TSPAN5: variants seen among roughly 807,000 people sequenced by gnomAD.
TSPAN5 encodes the protein tetraspanin 5, also known as tetraspanin-5.
Under a neutral mutation model 37.1 loss-of-function variants are expected in TSPAN5, and 10 were observed. The ratio of observed to expected loss-of-function variants is 0.27; its 90% confidence interval spans 0.17 to 0.46. The LOEUF (loss-of-function observed/expected upper bound fraction) is 0.46. TSPAN5 is among the 20% of genes least tolerant of loss of function. The probability of loss-of-function intolerance (pLI) is 1.00; values close to 1 mark genes in which losing one functional copy is unlikely to be tolerated. For missense variants in TSPAN5, 195 were observed against 326.6 expected (o/e 0.60, Z 3.11); for synonymous variants, 110 against 118.9 (o/e 0.93, Z 0.48).
intron 1 of TSPAN5, among the ~76,000 whole-genome samples, chr4:98,531,328 T>A (rs1169122160): frequency 6.6e-6 from 1 of 152,216 alleles, no homozygotes; most frequent in Non-Finnish European, 1.5e-5. Flanking sequence ...TGTTTGGTTT[T>A]CTGTTCTTGT....
intron 1 of TSPAN5, among the ~76,000 whole-genome samples, chr4:98,631,338 C>T (rs997701450): frequency 2.0e-5 from 3 of 152,168 alleles, no homozygotes; most frequent in Non-Finnish European, 4.4e-5. Context: ...GAGTCCACCA[C>T]CAGACTCTCA....
intron 1 of TSPAN5, among the ~76,000 whole-genome samples, chr4:98,598,303 G>A (rs1169236452): frequency 7.1e-6 from 1 of 141,000 alleles, no homozygotes; most frequent in African/African-American, 2.7e-5. Context: ...GCTCGCGCAC[G>A]GTGCGCACAC....
intron 1 of TSPAN5, among the ~76,000 whole-genome samples, chr4:98,575,223 G>A (rs1755206825): frequency 6.6e-6 from 1 of 152,036 alleles, no homozygotes; most frequent in Admixed American, 6.6e-5. Context: ...AAAAAATATA[G>A]AAAATTATTT....
intron 1 of TSPAN5, among the ~76,000 whole-genome samples, chr4:98,613,583 A>C (rs942132700): frequency 1.3e-5 from 2 of 152,108 alleles, no homozygotes; most frequent in Non-Finnish European, 2.9e-5. Flanking sequence ...CCCTTATAAC[A>C]CAACAGGGTC....
intron 1 of TSPAN5, among the ~76,000 whole-genome samples, chr4:98,520,414 T>A (rs1227647415): frequency 6.6e-6 from 1 of 151,510 alleles, no homozygotes; most frequent in South Asian, 2.1e-4. Flanking sequence ...GTAAGATGAG[T>A]TGGGAGGCAC....
chr4:98,556,614 T>C (rs770401538), intron 1 of TSPAN5, among the ~76,000 whole-genome samples: 1 of 152,230 alleles, frequency 6.6e-6, no homozygotes, highest in Non-Finnish European at 1.5e-5. Flanking sequence ...TCTGTTAACA[T>C]TCTTTTACTA....
chr4:98,627,649 T>A (rs748174119), intron 1 of TSPAN5, among the ~76,000 whole-genome samples: 17 of 152,202 alleles, frequency 1.1e-4, no homozygotes, highest in Non-Finnish European at 2.4e-4. Context: ...ATAAACCCCC[T>A]GGATTTCAGT....
chr4:98,532,027 T>TA (rs1391924629), intron 1 of TSPAN5, among the ~76,000 whole-genome samples: 1 of 152,244 alleles, frequency 6.6e-6, no homozygotes, highest in Non-Finnish European at 1.5e-5. Flanking sequence ...ACTCTGATGA[T>TA]AGTTTCTTTC....
chr4:98,533,406 T>G (rs1328216376), intron 1 of TSPAN5, among the ~76,000 whole-genome samples: 3 of 152,188 alleles, frequency 2.0e-5, no homozygotes, highest in Non-Finnish European at 4.4e-5. Context: ...CTTCCTGGTT[T>G]AGACTTGTGG....
chr4:98,565,646 G>A (rs1251295730), intron 1 of TSPAN5, among the ~76,000 whole-genome samples: 2 of 152,178 alleles, frequency 1.3e-5, no homozygotes, highest in African/African-American at 4.8e-5. Flanking sequence ...GCTTAAAGTA[G>A]GAGTTATATA....
intron 1 of TSPAN5, among the ~76,000 whole-genome samples, chr4:98,522,827 A>C (rs886543363): frequency 3.3e-5 from 5 of 152,212 alleles, no homozygotes; most frequent in Admixed American, 2.6e-4. Flanking sequence ...GACACCATTT[A>C]GTTATTTATT....
intron 1 of TSPAN5, among the ~76,000 whole-genome samples, chr4:98,515,763 G>GA (rs10714942): frequency 2.0e-5 from 3 of 151,862 alleles, no homozygotes; most frequent in Non-Finnish European, 4.4e-5. Flanking sequence ...GTCATTCCAG[G>GA]AAAAAATGTA....
In TSPAN5 at chr4:98,658,455, G is replaced by C. The variant is rs1260033106; in HGVS notation, c.-229C>G. 1 of 293,064 alleles carries C rather than the reference G, an allele frequency of 3.4e-6. No homozygotes were observed. Among genetic ancestry groups the C allele is most frequent in the Non-Finnish European group, 6.2e-6 (1 of 160,610 alleles). The allele number at this position is 293,064 out of a possible 1,614,324, so 18.2% of individuals were successfully genotyped here. ...GAGCCGGGGTGGCCGCGAGAAAGCA[G>C]GGAAGCCGCGCGCTGCAAGCTCAAG... On this transcript the variant is annotated 5_prime_UTR_variant, in exon 1 of 8. Transcript: ENST00000305798.
At chr4:98,631,193 A>G (rs1756738172) in intron 1 of TSPAN5, among the ~76,000 whole-genome samples, 1 of 152,208 alleles carries the variant, frequency 6.6e-6, no homozygotes, top group African/African-American at 2.4e-5. Context: ...CAAAACGTCC[A>G]CAAGGCCTGC....
intron 1 of TSPAN5, among the ~76,000 whole-genome samples, chr4:98,642,307 TTA>T (rs1756974369): frequency 6.6e-6 from 1 of 152,172 alleles, no homozygotes; most frequent in Non-Finnish European, 1.5e-5. Context: ...CACTTAAACT[TTA>T]AAACTGGATT....
At chr4:98,622,416 T>C (rs959056825) in intron 1 of TSPAN5, among the ~76,000 whole-genome samples, 2 of 152,188 alleles carry the variant, frequency 1.3e-5, no homozygotes, top group African/African-American at 4.8e-5. Flanking sequence ...TTTCAATTCT[T>C]TTGGAAATGT....
intron 1 of TSPAN5, among the ~76,000 whole-genome samples, chr4:98,611,695 C>G (rs996236064): frequency 5.3e-5 from 8 of 152,262 alleles, no homozygotes; most frequent in African/African-American, 1.9e-4. Flanking sequence ...CAGGTAAGAA[C>G]AGGGTCTTCC....
intron 1 of TSPAN5, among the ~76,000 whole-genome samples, chr4:98,636,948 G>T (rs1303376209): frequency 6.6e-6 from 1 of 152,092 alleles, no homozygotes; most frequent in Non-Finnish European, 1.5e-5. Flanking sequence ...ACCCTGGTGT[G>T]AGGTTTCTTA....
At chr4:98,654,513 G>A (rs1254798966) in intron 1 of TSPAN5, among the ~76,000 whole-genome samples, 1 of 152,138 alleles carries the variant, frequency 6.6e-6, no homozygotes, top group South Asian at 2.1e-4. Flanking sequence ...TCTGAGAAAT[G>A]TCCCAGTACG....
Sources: allele counts gnomAD v4.1 joint callset (sites outside exome capture counted in the v4.1 genomes callset), GRCh38; gene constraint gnomAD v4.1.1; transcripts MANE v1.5; gene names NCBI Gene and HGNC (gene_info 2026-07-23, HGNC 2026-07-21).